The following LEUTX variants were observed in gnomAD, a reference collection of about 807,000 sequenced individuals.
LEUTX encodes the protein paired-like homeodomain transcription factor LEUTX.
LEUTX carries 5 observed loss-of-function variants against 4.5 expected under a neutral mutation model. The observed-to-expected ratio is 1.11, with a 90% confidence interval of 0.58 to 2.34. The LOEUF is 2.34. Among genes scored for constraint, LEUTX ranks in the 30% most tolerant of loss-of-function variants. The pLI, the probability that LEUTX is intolerant of heterozygous loss-of-function variation, is 0.01. For synonymous variants in LEUTX, 89 were observed against 85.1 expected, an observed-to-expected ratio of 1.05 and a Z score of -0.25; for missense variants, 233 against 239.4, an observed-to-expected ratio of 0.97 and a Z score of 0.18.
chr19:39,783,271 A>T (rs1252194969), intron 1 of LEUTX, among the ~76,000 whole-genome samples: 2 of 146,852 alleles, frequency 1.4e-5, no homozygotes, highest in African/African-American at 5.0e-5. Context: ...TTATATATAT[A>T]TAAATTATAA....
chr19:39,786,251 T>C lies in LEUTX; in HGVS notation c.*116T>C. On this transcript the variant is annotated 3_prime_UTR_variant, in exon 3 of 3. Transcript: ENST00000638280. Reference sequence around the variant, plus strand: ...AGATCAGGGGCTGGGAATTTATCTTTTTCTGTAGAAAAAACAATAAAGGAA... The same window carrying C: ...AGATCAGGGGCTGGGAATTTATCTTCTTCTGTAGAAAAAACAATAAAGGAA... 1 of 785,110 alleles carries C rather than the reference T, an allele frequency of 1.3e-6. No homozygotes were observed. The highest frequency in any genetic ancestry group is 2.8e-5 in the South Asian group (1 of 36,126). 48.6% of individuals were successfully genotyped at this position (785,110 alleles called of 1,614,324 possible). A position where few individuals can be genotyped will look rare whatever the true frequency, so the allele number is the denominator to read the frequency against.
chr19:39,781,087 TTTCTCTC>T (rs1967879093), intron 1 of LEUTX, among the ~76,000 whole-genome samples: 1 of 152,120 alleles, frequency 6.6e-6, no homozygotes, highest in Admixed American at 6.5e-5. Context: ...CCCTTTCTTT[TTTCTCTC>T]TTTCTCTCTG....
At chr19:39,780,812 C>T (rs1007494752) in intron 1 of LEUTX, among the ~76,000 whole-genome samples, 2 of 151,636 alleles carry the variant, frequency 1.3e-5, no homozygotes, top group African/African-American at 2.4e-5. Context: ...ATCTTTTATC[C>T]GAGCATATTA....
rs1967972614 is a variant in LEUTX, at chr19:39,786,282, C to T, written c.*147C>T. ...TAGAAAAAACAATAAAGGAACTCCC[C>T]TACCTTTCATCATTGCCTGCATTTT... is the stretch of plus-strand genomic sequence containing the variant. On this transcript the variant is annotated 3_prime_UTR_variant, in exon 3 of 3. Transcript: ENST00000638280. 1 of 613,540 alleles carries T rather than the reference C, an allele frequency of 1.6e-6. No individual in the cohort carries two copies. Among genetic ancestry groups the T allele is most frequent in the Non-Finnish European group, 2.6e-6 (1 of 377,414 alleles). 38.0% of individuals were successfully genotyped at this position (613,540 alleles called of 1,614,324 possible). A position where few individuals can be genotyped will look rare whatever the true frequency, so the allele number is the denominator to read the frequency against.
At chr19:39,777,679 G>A (rs1270444637), upstream of LEUTX, among the ~76,000 whole-genome samples, 5 of 152,114 alleles carry the variant, frequency 3.3e-5, no homozygotes, top group Admixed American at 1.3e-4. Context: ...CATAGATGGG[G>A]CCAGGTGCAA....
chr19:39,780,737 C>A (rs7251968), intron 1 of LEUTX, among the ~76,000 whole-genome samples: 3,997 of 152,154 alleles, frequency 0.026, 155 homozygotes, highest in African/African-American at 0.086. Context: ...CTACTGATTT[C>A]AAAGAACATT....
Position 39,784,625 on chromosome 19 carries a change from G to A in LEUTX, c.106G>A (p.Ala36Thr). 1.3e-6 allele frequency: 2 copies of A among 1,551,490 alleles called. No individual in the cohort carries two copies. Among genetic ancestry groups the A allele is most frequent in the Non-Finnish European group, 1.7e-6 (2 of 1,146,868 alleles). ...LLEKTMHPSL[A>T]TMGKLASKLQ... Reference sequence around the variant, plus strand: ...TGAAAAGACCATGCACCCAAGTTTGGCTACAATGGGGAAACTGGCTTCAAA... The same window carrying A: ...TGAAAAGACCATGCACCCAAGTTTGACTACAATGGGGAAACTGGCTTCAAA... The change falls in exon 2 of 3, where the codon GCT becomes ACT. Residue 36 changes from alanine (A) to threonine (T), a missense_variant. Ala to Thr is a moderately conservative substitution (Grantham distance 58). Transcript: ENST00000638280.
Position 39,785,920 on chromosome 19 carries a change from A to G in LEUTX, c.382A>G (p.Ser128Gly). 5.2e-6 allele frequency: 8 copies of G among 1,551,802 alleles called. No homozygotes were observed. The highest frequency in any genetic ancestry group is 6.1e-6 in the Non-Finnish European group (7 of 1,147,016). The change falls in exon 3 of 3, where the codon AGC (serine) becomes GGC (glycine). Residue 128 changes from serine (S) to glycine (G), a missense_variant. Transcript: ENST00000638280. ...PSGIKNPGGA[S>G]ASARVSSWDS... ...TGGTATCAAGAATCCTGGAGGAGCC[A>G]GCGCCTCTGCGAGGGTTTCATCCTG...
At position 39,785,954 on chromosome 19, in the gene LEUTX, A is replaced by T; in HGVS notation, c.416A>T (p.Gln139Leu). Reference sequence around the variant, plus strand: ...GCGAGGGTTTCATCCTGGGATTCTCAGTCATATGACATTGAACAGATATGT... The same window carrying T: ...GCGAGGGTTTCATCCTGGGATTCTCTGTCATATGACATTGAACAGATATGT... ...ASARVSSWDS[Q>L]SYDIEQICLG... is the part of the protein sequence containing the mutation. Residue 139 changes from glutamine (Q) to leucine (L), a missense_variant, in exon 3 of 3, where the codon CAG becomes CTG. Gln to Leu is a moderately radical substitution (Grantham distance 113, BLOSUM62 -2). Transcript: ENST00000638280. 2 of 1,551,820 alleles carry T rather than the reference A, an allele frequency of 1.3e-6. No individual in the cohort carries two copies. Among genetic ancestry groups the T allele is most frequent in the Non-Finnish European group, 1.7e-6 (2 of 1,147,018 alleles).
At chr19:39,783,832 T>C (rs1041112666) in intron 1 of LEUTX, among the ~76,000 whole-genome samples, 5 of 152,144 alleles carry the variant, frequency 3.3e-5, no homozygotes, top group African/African-American at 1.2e-4. Context: ...GATGGAATTG[T>C]TTGGTTTTTT....
At chr19:39,776,780 C>T (rs1206478774), upstream of LEUTX, 2 of 416,230 alleles carry the variant, frequency 4.8e-6, no homozygotes, top group Non-Finnish European at 9.6e-6. Context: ...GCTTGGGAGG[C>T]TGAGGCGGGA....
chr19:39,783,769 A>G (rs1217275010), intron 1 of LEUTX, among the ~76,000 whole-genome samples: 1 of 151,432 alleles, frequency 6.6e-6, no homozygotes. Context: ...GGCCATTTGT[A>G]TATCTTTTGA....
intron 1 of LEUTX, among the ~76,000 whole-genome samples, chr19:39,784,251 C>A (rs894888602): frequency 6.6e-6 from 1 of 151,862 alleles, no homozygotes; most frequent in African/African-American, 2.4e-5. Context: ...CTTCAGAATT[C>A]TTTTTCAGGT....
intron 1 of LEUTX, among the ~76,000 whole-genome samples, chr19:39,781,676 C>T (rs1339215436): frequency 2.6e-5 from 4 of 152,170 alleles, no homozygotes; most frequent in Non-Finnish European, 4.4e-5. Flanking sequence ...GGCTCCCCTT[C>T]GCCTTCTGTC....
At position 39,786,057 on chromosome 19, in the gene LEUTX, G is replaced by A; in HGVS notation, c.519G>A (p.Gly173=). The A allele has an allele frequency of 6.4e-7, 1 of 1,551,478 alleles. No individual in the cohort carries two copies. Among genetic ancestry groups the A allele is most frequent in the Non-Finnish European group, 8.7e-7 (1 of 1,146,928 alleles). ...DEFVKIYDLP[G]EDDTSSLNQY... is the part of the protein sequence containing the mutation. ...TTGTAAAGATCTATGACTTGCCAGG[G>A]GAAGATGACACCAGCAGCCTAAATC... Residue 173 remains glycine, a synonymous_variant, in exon 3 of 3, where the codon GGG becomes GGA. Transcript: ENST00000638280.
At chr19:39,783,376 CA>C (rs1967916945) in intron 1 of LEUTX, among the ~76,000 whole-genome samples, 1 of 147,920 alleles carries the variant, frequency 6.8e-6, no homozygotes, top group South Asian at 2.1e-4. Flanking sequence ...CACACACACA[CA>C]CACACACCAC....
intron 1 of LEUTX, among the ~76,000 whole-genome samples, chr19:39,782,152 C>G (rs1264445134): frequency 6.6e-6 from 1 of 152,172 alleles, no homozygotes; most frequent in Non-Finnish European, 1.5e-5. Context: ...GCCTCAAATA[C>G]TCTTATGAAT....
At chr19:39,781,423 C>T (rs570240564) in intron 1 of LEUTX, among the ~76,000 whole-genome samples, 4 of 152,192 alleles carry the variant, frequency 2.6e-5, no homozygotes, top group Non-Finnish European at 4.4e-5. Context: ...CCATTATGCA[C>T]TAATACAGTT....
chr19:39,777,318 T>G (rs1967810945), upstream of LEUTX, among the ~76,000 whole-genome samples: 1 of 152,224 alleles, frequency 6.6e-6, no homozygotes, highest in Non-Finnish European at 1.5e-5. Context: ...CTCCCTAGAA[T>G]GCCAGCACTT....
Sources: allele counts gnomAD v4.1 joint callset (sites outside exome capture counted in the v4.1 genomes callset), GRCh38; gene constraint gnomAD v4.1.1; transcripts MANE v1.5; gene names NCBI Gene and HGNC (gene_info 2026-07-23, HGNC 2026-07-21).